The following FAM13A variants were observed in gnomAD, a reference collection of about 807,000 sequenced individuals.
FAM13A encodes the protein protein FAM13A.
A neutral mutation model predicts 129.6 loss-of-function variants in FAM13A; 76 were observed. That is an observed-to-expected ratio of 0.59 (90% CI 0.49 to 0.71). FAM13A has a LOEUF of 0.71. FAM13A is among the 30% of genes least tolerant of loss of function. The pLI is 0.00. For synonymous variants in FAM13A, 443 were observed against 449.9 expected (o/e 0.98, Z 0.20); for missense variants, 1,108 against 1,249.3 (o/e 0.89, Z 1.70).
intron 19 of FAM13A, among the ~76,000 whole-genome samples, chr4:88,744,867 A>G (rs2149448329): frequency 6.6e-6 from 1 of 152,296 alleles, no homozygotes; most frequent in Non-Finnish European, 1.5e-5. Context: ...CAAATTTCCT[A>G]GAGCATTTGT....
intron 3 of FAM13A, among the ~76,000 whole-genome samples, chr4:88,998,683 T>A (rs1763869172): frequency 6.6e-6 from 1 of 152,158 alleles, no homozygotes; most frequent in Non-Finnish European, 1.5e-5. Flanking sequence ...AAACAAAACA[T>A]GAATTATATT....
intron 6 of FAM13A, among the ~76,000 whole-genome samples, chr4:88,867,592 C>T (rs897241416): frequency 2.0e-5 from 3 of 152,158 alleles, no homozygotes; most frequent in South Asian, 2.1e-4. Context: ...GTTACCAGTA[C>T]ATTTGAGCGC....
chr4:88,831,236 C>T (rs374187628), intron 7 of FAM13A, among the ~76,000 whole-genome samples: 9 of 152,212 alleles, frequency 5.9e-5, no homozygotes, highest in South Asian at 2.1e-4. Flanking sequence ...CGTGGGAGTC[C>T]GGATAATAGT....
intron 6 of FAM13A, among the ~76,000 whole-genome samples, chr4:88,891,169 T>C (rs1029555986): frequency 3.3e-5 from 5 of 152,242 alleles, no homozygotes; most frequent in Admixed American, 2.0e-4. Context: ...ATGCCTGTAA[T>C]CTCAGCACAT....
intron 11 of FAM13A, among the ~76,000 whole-genome samples, chr4:88,773,415 A>C (rs1484789076): frequency 6.6e-6 from 1 of 152,170 alleles, no homozygotes; most frequent in Non-Finnish European, 1.5e-5. Flanking sequence ...TAGAGCTCCC[A>C]TCAAGGTAGC....
intron 8 of FAM13A, among the ~76,000 whole-genome samples, chr4:88,797,646 T>A (rs1255735545): frequency 6.6e-6 from 1 of 152,162 alleles, no homozygotes; most frequent in Non-Finnish European, 1.5e-5. Context: ...TGTATTTGAC[T>A]GATTTTTAAT....
intron 4 of FAM13A, among the ~76,000 whole-genome samples, chr4:88,972,179 T>G (rs1760187947): frequency 6.6e-6 from 1 of 152,140 alleles, no homozygotes; most frequent in Non-Finnish European, 1.5e-5. Flanking sequence ...AGATCCAAGT[T>G]TCTGACTTAC....
chr4:88,979,687 T>A (rs1401015329), intron 4 of FAM13A, among the ~76,000 whole-genome samples: 1 of 152,068 alleles, frequency 6.6e-6, no homozygotes, highest in Non-Finnish European at 1.5e-5. Flanking sequence ...GAAAAAAAAC[T>A]AATTGGCCAG....
intron 1 of FAM13A, among the ~76,000 whole-genome samples, chr4:89,042,343 A>C (rs1770258860): frequency 6.6e-6 from 1 of 152,202 alleles, no homozygotes; most frequent in South Asian, 2.1e-4. Flanking sequence ...CTATGGACTT[A>C]TTTTATGTGA....
At chr4:88,838,194 C>A (rs1343553868) in intron 7 of FAM13A, among the ~76,000 whole-genome samples, 1 of 152,196 alleles carries the variant, frequency 6.6e-6, no homozygotes, top group East Asian at 1.9e-4. Flanking sequence ...AAACCTACCC[C>A]CAGGGATATA....
At chr4:88,916,313 A>C (rs1750109983) in intron 5 of FAM13A, among the ~76,000 whole-genome samples, 1 of 152,244 alleles carries the variant, frequency 6.6e-6, no homozygotes, top group Admixed American at 6.5e-5. Context: ...ATATTATTAT[A>C]ATCCAATATA....
At chr4:88,736,253 C>T (rs914462747) in intron 21 of FAM13A, 1 of 152,132 alleles carries the variant, frequency 6.6e-6, no homozygotes, top group Non-Finnish European at 1.5e-5. Context: ...ATACAGTGAG[C>T]ACAGTCATTG....
intron 21 of FAM13A, among the ~76,000 whole-genome samples, chr4:88,735,677 T>C (rs1475983187): frequency 3.3e-5 from 5 of 152,218 alleles, no homozygotes; most frequent in Admixed American, 3.3e-4. Context: ...CACCAAATTC[T>C]AAACTGGAAT....
intron 3 of FAM13A, among the ~76,000 whole-genome samples, chr4:89,000,947 C>T (rs1560737042): frequency 1.3e-5 from 2 of 152,232 alleles, no homozygotes; most frequent in Admixed American, 6.5e-5. Flanking sequence ...TACATATGCA[C>T]GCACACATGT....
At chr4:88,938,999 A>C (rs1275436682) in intron 4 of FAM13A, among the ~76,000 whole-genome samples, 1 of 152,214 alleles carries the variant, frequency 6.6e-6, no homozygotes, top group African/African-American at 2.4e-5. Context: ...AAAGATACTT[A>C]GCTTCACTGA....
intron 7 of FAM13A, among the ~76,000 whole-genome samples, chr4:88,808,324 C>T (rs1728989331): frequency 6.6e-6 from 1 of 152,068 alleles, no homozygotes. Flanking sequence ...ACAAAATAAA[C>T]TTTTCCACAA....
chr4:88,832,914 A>G (rs1283230294), intron 7 of FAM13A, among the ~76,000 whole-genome samples: 1 of 152,238 alleles, frequency 6.6e-6, no homozygotes, highest in African/African-American at 2.4e-5. Flanking sequence ...ATTCTATTAT[A>G]AAGATACATG....
At chr4:88,856,973 T>C (rs1361633155) in intron 6 of FAM13A, among the ~76,000 whole-genome samples, 4 of 152,226 alleles carry the variant, frequency 2.6e-5, no homozygotes, top group African/African-American at 9.6e-5. Context: ...AAAAAAAGTT[T>C]CATTTAGCTT....
intron 4 of FAM13A, among the ~76,000 whole-genome samples, chr4:88,963,344 C>T (rs1202611812): frequency 6.6e-6 from 1 of 151,114 alleles, no homozygotes; most frequent in African/African-American, 2.4e-5. Flanking sequence ...GTCGCCCAGG[C>T]TGGAGTGCAG....
Sources: allele counts gnomAD v4.1 joint callset (sites outside exome capture counted in the v4.1 genomes callset), GRCh38; gene constraint gnomAD v4.1.1; transcripts MANE v1.5; gene names NCBI Gene and HGNC (gene_info 2026-07-23, HGNC 2026-07-21).